The following GAB1 variants were observed in gnomAD, a reference collection of about 807,000 sequenced individuals.
GAB1 encodes the protein GRB2-associated-binding protein 1.
A neutral mutation model predicts 66.5 loss-of-function variants in GAB1; 19 were observed. The ratio of observed to expected loss-of-function variants is 0.29; its 90% confidence interval spans 0.20 to 0.42. The LOEUF is 0.42. Among genes scored for constraint, GAB1 ranks in the 10% least tolerant of loss-of-function variants. The pLI is 1.00. For synonymous variants in GAB1, 294 were observed against 301.4 expected, an observed-to-expected ratio of 0.98 and a Z score of 0.25; for missense variants, 732 against 858.5, an observed-to-expected ratio of 0.85 and a Z score of 1.84.
intron 8 of GAB1, among the ~76,000 whole-genome samples, chr4:143,461,858 A>G (rs575283927): frequency 5.9e-5 from 9 of 152,330 alleles, no homozygotes; most frequent in African/African-American, 1.7e-4. Context: ...TCCTTAATAG[A>G]CTTTAGGCAG....
At chr4:143,458,136 A>G (rs769446077) in intron 6 of GAB1, among the ~76,000 whole-genome samples, 24 of 152,138 alleles carry the variant, frequency 1.6e-4, no homozygotes, top group Non-Finnish European at 3.2e-4. Context: ...AATCATTTCC[A>G]TGGATTAATT....
Position 143,397,695 on chromosome 4 carries a change from T to C in GAB1, c.73-17782T>C, listed in dbSNP as rs915980543. Among the ~76,000 whole-genome samples the C allele has an allele frequency of 7.9e-5, 12 of 152,332 alleles. No individual in the cohort carries two copies. In the South Asian group the frequency reaches 2.3e-3, roughly 29 times the overall value. ...CTTTGGCAGTAAAACAGACAAGGGCTAAAAATCAACCCAAGCATCCATATC... is the reference window on the plus strand; with the variant it reads ...CTTTGGCAGTAAAACAGACAAGGGCCAAAAATCAACCCAAGCATCCATATC... On this transcript the variant is annotated intron_variant, in intron 1 of 9. Transcript: ENST00000262994.
chr4:143,436,494 A>T (rs1405696740), intron 3 of GAB1, among the ~76,000 whole-genome samples: 2 of 152,222 alleles, frequency 1.3e-5, no homozygotes, highest in Non-Finnish European at 2.9e-5. Context: ...AGAGGCAGAC[A>T]GTAGAGGAAA....
Position 143,447,782 on chromosome 4 carries a change from C to G in GAB1, c.1585+7400C>G, listed in dbSNP as rs534771110. On this transcript the variant is annotated intron_variant, in intron 6 of 9. Transcript: ENST00000262994. Reference sequence around the variant, plus strand: ...TTCCTAATTGAATACCCTTTATTTCCTTCTCCTGCCTAATTGCCCTGGCCA... The same window carrying G: ...TTCCTAATTGAATACCCTTTATTTCGTTCTCCTGCCTAATTGCCCTGGCCA... 3.9e-5 allele frequency among the ~76,000 whole-genome samples: 6 copies of G among 152,030 alleles called. No individual in the cohort carries two copies. The East Asian group carries it at 9.6e-4, about 24-fold the overall frequency.
At chr4:143,381,116 G>A (rs950993552) in intron 1 of GAB1, among the ~76,000 whole-genome samples, 1 of 152,160 alleles carries the variant, frequency 6.6e-6, no homozygotes, top group Non-Finnish European at 1.5e-5. Flanking sequence ...AGGAACATGG[G>A]CCACATACAA....
At chr4:143,416,049 A>G (rs1468308510) in intron 2 of GAB1, among the ~76,000 whole-genome samples, 1 of 152,208 alleles carries the variant, frequency 6.6e-6, no homozygotes, top group African/African-American at 2.4e-5. Context: ...TTGAATTCCA[A>G]TATAAATATT....
chr4:143,395,013 C>T (rs562641456), intron 1 of GAB1: 1 of 152,304 alleles, frequency 6.6e-6, no homozygotes, highest in East Asian at 1.9e-4. Flanking sequence ...TGTACAGCTA[C>T]CAGGATTTGA....
intron 1 of GAB1, among the ~76,000 whole-genome samples, chr4:143,409,750 C>T (rs1299182200): frequency 6.6e-6 from 1 of 151,978 alleles, no homozygotes; most frequent in Non-Finnish European, 1.5e-5. Context: ...AAGATATTTG[C>T]TAGTGGTAAA....
At chr4:143,441,238 A>G (rs747489295) in intron 6 of GAB1, among the ~76,000 whole-genome samples, 2 of 152,212 alleles carry the variant, frequency 1.3e-5, no homozygotes, top group Non-Finnish European at 2.9e-5. Context: ...AACACAGACA[A>G]TTTGATTTGT....
At chr4:143,391,414 A>G (rs1731180569) in intron 1 of GAB1, 1 of 152,206 alleles carries the variant, frequency 6.6e-6, no homozygotes, top group South Asian at 2.1e-4. Context: ...AATGAATGCT[A>G]ATTAGCTATA....
chr4:143,374,187 A>G (rs1730315012), intron 1 of GAB1, among the ~76,000 whole-genome samples: 1 of 152,016 alleles, frequency 6.6e-6, no homozygotes, highest in Non-Finnish European at 1.5e-5. Flanking sequence ...AAGAACCCAT[A>G]CATTTTGGTG....
intron 6 of GAB1, among the ~76,000 whole-genome samples, chr4:143,443,404 C>A (rs28925921): frequency 0.015 from 2,277 of 152,236 alleles, 50 homozygotes; most frequent in African/African-American, 0.051. Context: ...TGTAAACTCA[C>A]TTTACAAAGT....
intron 1 of GAB1, among the ~76,000 whole-genome samples, chr4:143,365,438 G>A (rs1356184336): frequency 6.6e-6 from 1 of 152,146 alleles, no homozygotes; most frequent in Non-Finnish European, 1.5e-5. Flanking sequence ...TCAATGTCTA[G>A]TACAAGACTT....
intron 3 of GAB1, chr4:143,434,156 C>T (rs1205491789): frequency 2.4e-5 from 31 of 1,285,760 alleles, no homozygotes; most frequent in Middle Eastern, 2.1e-4. Context: ...GAAAGCAAAA[C>T]GATTCCATTG....
At chr4:143,402,389 TACCA>T (rs749046303) in intron 1 of GAB1, among the ~76,000 whole-genome samples, 2 of 152,200 alleles carry the variant, frequency 1.3e-5, no homozygotes, top group Non-Finnish European at 2.9e-5. Flanking sequence ...TACCCTTCTG[TACCA>T]GCTGGGATAT....
chr4:143,421,684 T>C lies in GAB1; in HGVS notation c.367+5913T>C, dbSNP rs141536834. On this transcript the variant is annotated intron_variant, in intron 2 of 9. Coordinates refer to ENST00000262994, the MANE Select transcript of GAB1 (RefSeq NM_002039.4). Reference sequence around the variant, plus strand: ...GGTTTTTTTTCTTTTTCTTTTTTTCTTTTCTTTTCTTTTCTTTTTTTTTTT... The same window carrying C: ...GGTTTTTTTTCTTTTTCTTTTTTTCCTTTCTTTTCTTTTCTTTTTTTTTTT... Among the ~76,000 whole-genome samples the C allele has an allele frequency of 3.8e-3, 471 of 125,096 alleles. 6 individuals are homozygous for C. Among genetic ancestry groups the C allele is most frequent in the African/African-American group, 0.015 (442 of 28,782 alleles). 82.1% of individuals were successfully genotyped at this position (125,096 alleles called of 152,430 possible).
intron 1 of GAB1, chr4:143,395,230 C>A (rs537638523): frequency 6.8e-4 from 103 of 152,230 alleles, no homozygotes; most frequent in African/African-American, 2.4e-3. Context: ...TGTCTTCCTC[C>A]ACTAAAATTT....
chr4:143,395,859 A>C, intron 1 of GAB1: 1 of 454,468 alleles, frequency 2.2e-6, no homozygotes, highest in Non-Finnish European at 4.4e-6. Context: ...AGAAAGAAGA[A>C]GGCACAGCTT....
chr4:143,379,578 A>G (rs994041462), intron 1 of GAB1, among the ~76,000 whole-genome samples: 19 of 152,086 alleles, frequency 1.2e-4, no homozygotes, highest in Admixed American at 3.9e-4. Context: ...CACAGGGAGA[A>G]TTAGATTGAC....
Sources: allele counts gnomAD v4.1 joint callset (sites outside exome capture counted in the v4.1 genomes callset), GRCh38; gene constraint gnomAD v4.1.1; transcripts MANE v1.5; gene names NCBI Gene and HGNC (gene_info 2026-07-23, HGNC 2026-07-21).